The following TMEM132D variants were observed in gnomAD, a reference collection of about 807,000 sequenced individuals.
The protein encoded by TMEM132D is mature OL transmembrane protein.
A neutral mutation model predicts 62.3 loss-of-function variants in TMEM132D; 21 were observed. The ratio of observed to expected loss-of-function variants is 0.34; its 90% CI spans 0.24 to 0.49. TMEM132D has a LOEUF of 0.49. TMEM132D is among the 20% of genes least tolerant of loss of function. TMEM132D has a pLI of 0.99. For synonymous variants in TMEM132D, 621 were observed against 575.6 expected, an observed-to-expected ratio of 1.08 and a Z score of -1.13; for missense variants, 1,346 against 1,402.8, an observed-to-expected ratio of 0.96 and a Z score of 0.65.
chr12:129,891,808 T>C (rs530165921), intron 1 of TMEM132D, among the ~76,000 whole-genome samples: 225 of 152,342 alleles, frequency 1.5e-3, no homozygotes, highest in Non-Finnish European at 2.7e-3. Flanking sequence ...GAAATACTTA[T>C]GTAAACACAT....
intron 3 of TMEM132D, among the ~76,000 whole-genome samples, chr12:129,400,959 G>A (rs1381112157): frequency 6.6e-6 from 1 of 152,094 alleles, no homozygotes; most frequent in Non-Finnish European, 1.5e-5. Context: ...TAGCACACAC[G>A]ATTAAGTGTG....
At chr12:129,677,629 C>T (rs1182754705) in intron 2 of TMEM132D, among the ~76,000 whole-genome samples, 8 of 152,126 alleles carry the variant, frequency 5.3e-5, no homozygotes, top group East Asian at 3.9e-4. Context: ...AACACACATA[C>T]GTATATACGT....
intron 1 of TMEM132D, among the ~76,000 whole-genome samples, chr12:129,720,152 G>C (rs140983442): frequency 2.6e-4 from 39 of 152,218 alleles, no homozygotes; most frequent in African/African-American, 9.1e-4. Flanking sequence ...CAGGAATGGT[G>C]TCTTTCCCTG....
chr12:129,455,542 AT>A (rs986729852), intron 3 of TMEM132D, among the ~76,000 whole-genome samples: 3 of 152,218 alleles, frequency 2.0e-5, no homozygotes, highest in African/African-American at 7.2e-5. Context: ...ATGAAAGAGA[AT>A]GAAAATAGCT....
intron 4 of TMEM132D, among the ~76,000 whole-genome samples, chr12:129,249,823 G>C (rs985678848): frequency 2.0e-5 from 3 of 152,134 alleles, no homozygotes; most frequent in African/African-American, 7.2e-5. Context: ...GATCAGCCAG[G>C]GTCCCAGTGG....
Position 129,700,651 on chromosome 12 carries a change from G to A in TMEM132D, c.127C>T (p.Leu43=), listed in dbSNP as rs2137227941. The part of the protein sequence containing the change: ...ILESIQRFSL[L]PTYLPVTYHI... The stretch of plus-strand genomic sequence containing the variant: ...TAGGTCACGGGGAGGTAGGTGGGCA[G>A]CAAGGAAAACCTCTGGATGCTCTCA... Residue 43 remains leucine (L), a synonymous_variant, in exon 2 of 9, where the codon CTG becomes TTG. Transcript: ENST00000422113. 6.2e-7 allele frequency: 1 copy of A among 1,613,824 alleles called. No individual in the cohort carries two copies. The highest frequency in any genetic ancestry group is 8.5e-7 in the Non-Finnish European group (1 of 1,179,968).
At chr12:129,343,510 T>C (rs1172430968) in intron 3 of TMEM132D, among the ~76,000 whole-genome samples, 2 of 152,010 alleles carry the variant, frequency 1.3e-5, no homozygotes, top group African/African-American at 2.4e-5. Flanking sequence ...CACCAACATG[T>C]CACATGTATA....
At chr12:129,279,929 T>A (rs2135608385) in intron 4 of TMEM132D, among the ~76,000 whole-genome samples, 1 of 152,326 alleles carries the variant, frequency 6.6e-6, no homozygotes, top group South Asian at 2.1e-4. Context: ...GGTGTTAAAG[T>A]GCAAACTAGG....
intron 3 of TMEM132D, among the ~76,000 whole-genome samples, chr12:129,345,730 G>A (rs1020199378): frequency 4.6e-5 from 7 of 152,118 alleles, no homozygotes; most frequent in Non-Finnish European, 7.4e-5. Flanking sequence ...TTTATGTGAT[G>A]GATTACATTT....
Position 129,884,561 on chromosome 12 carries a change from A to T in TMEM132D, c.79+18700T>A, listed in dbSNP as rs373177773. 1.2e-4 allele frequency among the ~76,000 whole-genome samples: 18 copies of T among 152,382 alleles called. No individual in the cohort carries two copies. The East Asian group carries it at 3.3e-3, about 28-fold the overall frequency. On this transcript the variant is annotated intron_variant, in intron 1 of 8. Coordinates refer to ENST00000422113, the MANE Select transcript of TMEM132D (RefSeq NM_133448.3). ...GGGAATGCAAATTAAAATCACAATG[A>T]AGTACCACTACACATGTATTAGAAT...
chr12:129,897,869 C>A (rs1189672596), intron 1 of TMEM132D, among the ~76,000 whole-genome samples: 1 of 152,224 alleles, frequency 6.6e-6, no homozygotes, highest in African/African-American at 2.4e-5. Context: ...CACCATGTAA[C>A]AATTCTGCCT....
intron 3 of TMEM132D, among the ~76,000 whole-genome samples, chr12:129,528,364 C>T (rs902814242): frequency 6.8e-6 from 1 of 147,176 alleles, no homozygotes; most frequent in Non-Finnish European, 1.5e-5. Context: ...TGAATGAATA[C>T]ATCATATTTT....
chr12:129,525,396 A>G (rs1282280808), intron 3 of TMEM132D, among the ~76,000 whole-genome samples: 1 of 151,866 alleles, frequency 6.6e-6, no homozygotes. Flanking sequence ...TAATGGGGAA[A>G]CTTTGTTATC....
intron 2 of TMEM132D, among the ~76,000 whole-genome samples, chr12:129,541,401 T>C (rs978674900): frequency 3.3e-5 from 5 of 152,222 alleles, no homozygotes; most frequent in African/African-American, 1.2e-4. Context: ...ACATTGTCTA[T>C]GGATTCATAG....
chr12:129,269,047 A>G (rs1880777886), intron 4 of TMEM132D, among the ~76,000 whole-genome samples: 1 of 150,942 alleles, frequency 6.6e-6, no homozygotes. Context: ...GAGGGATAGC[A>G]TTAGGAGATA....
intron 1 of TMEM132D, among the ~76,000 whole-genome samples, chr12:129,864,842 G>T (rs1177102350): frequency 6.6e-6 from 1 of 152,176 alleles, no homozygotes; most frequent in African/African-American, 2.4e-5. Context: ...CTCTCACATA[G>T]TACTCTAGAT....
intron 3 of TMEM132D, among the ~76,000 whole-genome samples, chr12:129,499,919 G>A (rs987423540): frequency 6.6e-6 from 1 of 150,750 alleles, no homozygotes; most frequent in Non-Finnish European, 1.5e-5. Flanking sequence ...CCCCACTTCA[G>A]TCGGTTACCT....
intron 2 of TMEM132D, among the ~76,000 whole-genome samples, chr12:129,580,337 C>T (rs1043549855): frequency 6.6e-6 from 1 of 152,176 alleles, no homozygotes; most frequent in Non-Finnish European, 1.5e-5. Context: ...CACATCCACG[C>T]CTGCATTCGA....
intron 1 of TMEM132D, among the ~76,000 whole-genome samples, chr12:129,808,505 G>A (rs944424580): frequency 2.6e-5 from 4 of 152,186 alleles, no homozygotes; most frequent in Non-Finnish European, 5.9e-5. Flanking sequence ...AGGAAGTCAC[G>A]TTATGAATGT....
Sources: allele counts gnomAD v4.1 joint callset (sites outside exome capture counted in the v4.1 genomes callset), GRCh38; gene constraint gnomAD v4.1.1; transcripts MANE v1.5; gene names NCBI Gene and HGNC (gene_info 2026-07-23, HGNC 2026-07-21).